The following MAPK10 variants were observed in gnomAD, a reference collection of about 807,000 sequenced individuals.
MAPK10 encodes the protein JNK3 alpha protein kinase.
Under a neutral mutation model 59.3 loss-of-function variants are expected in MAPK10, and 25 were observed. The ratio of observed to expected loss-of-function variants is 0.42; its 90% CI spans 0.31 to 0.59. The LOEUF is 0.59. Among genes scored for constraint, MAPK10 ranks in the 20% least tolerant of loss-of-function variants. The pLI, the probability that MAPK10 is intolerant of heterozygous loss-of-function variation, is 0.15. For missense variants in MAPK10, 351 were observed against 568.9 expected, an observed-to-expected ratio of 0.62 and a Z score of 3.90; for synonymous variants, 190 against 200.5, an observed-to-expected ratio of 0.95 and a Z score of 0.44.
At chr4:86,380,030 G>A (rs1024660598) in intron 1 of MAPK10, among the ~76,000 whole-genome samples, 1 of 152,056 alleles carries the variant, frequency 6.6e-6, no homozygotes, top group African/African-American at 2.4e-5. Context: ...GAGGTCAGGA[G>A]TTTGAGACCA....
At chr4:86,449,815 T>C (rs1750486219) in intron 1 of MAPK10, among the ~76,000 whole-genome samples, 1 of 152,228 alleles carries the variant, frequency 6.6e-6, no homozygotes, top group Non-Finnish European at 1.5e-5. Flanking sequence ...GGACAAAATT[T>C]TCCTGCTGGT....
At chr4:86,215,230 C>G (rs549419281) in intron 2 of MAPK10, among the ~76,000 whole-genome samples, 119 of 152,270 alleles carry the variant, frequency 7.8e-4, no homozygotes, top group African/African-American at 1.7e-3. Context: ...GAAGTTGGAC[C>G]TTTACCTAAC....
Position 86,014,281 on chromosome 4 carries a change from T to C in MAPK10, c.*2947A>G, listed in dbSNP as rs898669909. On this transcript the variant is annotated 3_prime_UTR_variant, in exon 14 of 14. Coordinates refer to ENST00000641462, the MANE Select transcript of MAPK10 (RefSeq NM_138982.4). Reference sequence around the variant, plus strand: ...TGGGATGTTCTTGGGAAATAACAGGTGACTATTTAAGAAATATTTGGGGTG... The same window carrying C: ...TGGGATGTTCTTGGGAAATAACAGGCGACTATTTAAGAAATATTTGGGGTG... The C allele has an allele frequency of 6.6e-6, 1 of 150,400 alleles. No individual in the cohort carries two copies. Among genetic ancestry groups the C allele is most frequent in the Non-Finnish European group, 1.5e-5 (1 of 67,860 alleles). The allele number at this position is 150,400 out of a possible 1,614,324, so 9.3% of individuals were successfully genotyped here. A position where few individuals can be genotyped will look rare whatever the true frequency, so the allele number is the denominator to read the frequency against.
intron 1 of MAPK10, among the ~76,000 whole-genome samples, chr4:86,374,076 G>GA (rs1046272226): frequency 2.6e-5 from 4 of 151,752 alleles, no homozygotes; most frequent in East Asian, 1.9e-4. Context: ...TATGCAGCCA[G>GA]AAAAAAAAGG....
intron 1 of MAPK10, among the ~76,000 whole-genome samples, chr4:86,406,669 G>C (rs151044506): frequency 6.6e-6 from 1 of 152,180 alleles, no homozygotes; most frequent in Non-Finnish European, 1.5e-5. Context: ...AAAGGCACCA[G>C]GTTCAAGAGG....
chr4:86,220,512 T>C (rs2089236386), intron 2 of MAPK10, among the ~76,000 whole-genome samples: 1 of 152,228 alleles, frequency 6.6e-6, no homozygotes, highest in African/African-American at 2.4e-5. Context: ...CTTCCTTAAA[T>C]TTTATTTAGT....
intron 2 of MAPK10, among the ~76,000 whole-genome samples, chr4:86,350,932 C>A (rs1284810918): frequency 6.6e-6 from 1 of 152,110 alleles, no homozygotes; most frequent in African/African-American, 2.4e-5. Context: ...TTGATTGTGT[C>A]ATCACTCGTT....
At chr4:86,150,050 C>T (rs541711379) in intron 4 of MAPK10, among the ~76,000 whole-genome samples, 17 of 152,042 alleles carry the variant, frequency 1.1e-4, no homozygotes, top group South Asian at 2.1e-4. Flanking sequence ...GTGGAACCAA[C>T]GTAAGTGCCC....
At chr4:86,405,253 T>C (rs1744225929) in intron 1 of MAPK10, among the ~76,000 whole-genome samples, 1 of 152,174 alleles carries the variant, frequency 6.6e-6, no homozygotes, top group African/African-American at 2.4e-5. Context: ...TGATCTCTCA[T>C]ATTTTATATA....
chr4:86,024,962 T>C (rs1749440560), intron 13 of MAPK10: 1 of 152,224 alleles, frequency 6.6e-6, no homozygotes, highest in Non-Finnish European at 1.5e-5. Context: ...ATGGCACAAA[T>C]TCATTAAGAG....
rs1176978237 is a variant in MAPK10 at position 86,194,418 on chromosome 4, A to G, written c.-6-11T>C. On this transcript the variant is annotated splice_polypyrimidine_tract_variant and intron_variant, in intron 2 of 13. Transcript: ENST00000641462. ...GAGGCTCATAAATACCTAGAGGAAA[A>G]AGAAATGGAGCATAAATTTTCAAAT... The G allele has an allele frequency of 2.1e-6, 3 of 1,462,442 alleles. No individual in the cohort carries two copies. Among genetic ancestry groups the G allele is most frequent in the Non-Finnish European group, 2.9e-6 (3 of 1,043,380 alleles). 90.6% of individuals were successfully genotyped at this position (1,462,442 alleles called of 1,614,324 possible).
At chr4:86,080,466 A>G (rs1472234562) in intron 9 of MAPK10, 8 of 152,006 alleles carry the variant, frequency 5.3e-5, no homozygotes. Flanking sequence ...TCAATGTAAA[A>G]TTCTATATCT....
chr4:86,560,886 C>T (rs1393390424), intron 1 of MAPK10, among the ~76,000 whole-genome samples: 2 of 152,178 alleles, frequency 1.3e-5, no homozygotes, highest in Non-Finnish European at 2.9e-5. Context: ...AGGAATGAAG[C>T]GTGTTTGCCA....
chr4:86,456,341 C>A (rs1364727864), upstream of MAPK10, among the ~76,000 whole-genome samples: 1 of 151,494 alleles, frequency 6.6e-6, no homozygotes, highest in African/African-American at 2.4e-5. Context: ...GAAACAACAA[C>A]AACAAAAAAG....
In MAPK10 at chr4:86,018,000, C is replaced by T. The variant is rs921913731; in HGVS notation, c.1253-630G>A. 6.6e-6 allele frequency among the ~76,000 whole-genome samples: 1 copy of T among 152,200 alleles called. No individual in the cohort carries two copies. Among genetic ancestry groups the T allele is most frequent in the Non-Finnish European group, 1.5e-5 (1 of 68,038 alleles). Reference sequence around the variant, plus strand: ...CCTCCCAAAGTGCTGGGATTACAGGCGTGAGCCACCACGCCCCGCGGGCAT... The same window carrying T: ...CCTCCCAAAGTGCTGGGATTACAGGTGTGAGCCACCACGCCCCGCGGGCAT... On this transcript the variant is annotated intron_variant, in intron 13 of 13. Transcript: ENST00000641462. The surrounding 1 kb of genome is among the most constrained non-coding windows in gnomAD (Gnocchi z 4.4).
At chr4:86,542,610 A>T (rs997763874) in intron 1 of MAPK10, 1 of 153,996 alleles carries the variant, frequency 6.5e-6, no homozygotes, top group Non-Finnish European at 1.5e-5. Context: ...GACTCTCTCT[A>T]AAAAAAAGAA....
At chr4:86,467,753 C>T (rs1752331913) in intron 1 of MAPK10, among the ~76,000 whole-genome samples, 1 of 152,172 alleles carries the variant, frequency 6.6e-6, no homozygotes, top group Admixed American at 6.5e-5. Context: ...CTCTTGACCT[C>T]GTGATCCGCG....
intron 4 of MAPK10, among the ~76,000 whole-genome samples, chr4:86,136,452 G>C (rs1024618740): frequency 1.3e-5 from 2 of 151,248 alleles, no homozygotes; most frequent in African/African-American, 2.5e-5. Context: ...ATAAGTGAAG[G>C]AGAAATAAAA....
chr4:86,064,068 C>T (rs1423626105), intron 11 of MAPK10, among the ~76,000 whole-genome samples, 198 bp downstream of exon 11: 1 of 152,138 alleles, frequency 6.6e-6, no homozygotes, highest in Non-Finnish European at 1.5e-5. Flanking sequence ...ATCATACCCT[C>T]TTCTAGTAAG....
Sources: allele counts gnomAD v4.1 joint callset (sites outside exome capture counted in the v4.1 genomes callset), GRCh38; gene constraint gnomAD v4.1.1; non-coding constraint Gnocchi (gnomAD v3.1); transcripts MANE v1.5; gene names NCBI Gene and HGNC (gene_info 2026-07-23, HGNC 2026-07-21).